PCDHA2: variants seen among roughly 807,000 people sequenced by gnomAD.
The protein encoded by PCDHA2 is protocadherin alpha-2.
Under a neutral mutation model 66.0 loss-of-function variants are expected in PCDHA2, and 58 were observed. That is an observed-to-expected ratio of 0.88 (90% CI 0.71 to 1.09). The LOEUF (loss-of-function observed/expected upper bound fraction) is 1.09, where lower values mean the gene tolerates loss of function less well. PCDHA2 is among the 50% of genes least tolerant of loss of function. The probability of loss-of-function intolerance (pLI) is 0.00; values close to 1 mark genes in which losing one functional copy is unlikely to be tolerated. For synonymous variants in PCDHA2, 634 were observed against 554.0 expected, an observed-to-expected ratio of 1.14 and a Z score of -2.03; for missense variants, 1,267 against 1,242.3, an observed-to-expected ratio of 1.02 and a Z score of -0.30.
At position 141,010,536 on chromosome 5, in the gene PCDHA2, T is replaced by A; in HGVS notation, c.*599T>A. On this transcript the variant is annotated 3_prime_UTR_variant, in exon 4 of 4. Transcript: ENST00000526136. ...AACTCAAGAGGTGGCAGCCACCCTC[T>A]AGGAGACAAAACTACCCCCACTGAC... 1 of 381,624 alleles carries A rather than the reference T, an allele frequency of 2.6e-6. No homozygotes were observed. The highest frequency in any genetic ancestry group is 4.6e-6 in the Non-Finnish European group (1 of 218,036). 23.6% of individuals were successfully genotyped at this position (381,624 alleles called of 1,614,324 possible).
At chr5:140,862,360 G>A (rs920511235) in intron 1 of PCDHA2, 3 of 334,748 alleles carry the variant, frequency 9.0e-6, no homozygotes, top group Non-Finnish European at 1.8e-5. Context: ...AGGGACAGAC[G>A]ACCCGCACCC....
Position 140,796,584 on chromosome 5 carries a change from G to C in PCDHA2, c.1620G>C (p.Ala540=), listed in dbSNP as rs1411052787. 3.1e-6 allele frequency: 5 copies of C among 1,613,360 alleles called. No homozygotes were observed. The Middle Eastern group carries it at 5.1e-4, about 166-fold the overall frequency. Reference sequence around the variant, plus strand: ...AGTTCCAGGTGAGCGCGCGGGATGCGGGCGTGCCGCCTCTGGGCAGCAACG... The same window carrying C: ...AGTTCCAGGTGAGCGCGCGGGATGCCGGCGTGCCGCCTCTGGGCAGCAACG... ...LLQFQVSARD[A]GVPPLGSNVT... is the part of the protein sequence containing the mutation. The change falls in exon 1 of 4, where the codon GCG becomes GCC. Residue 540 remains alanine, a synonymous_variant. Coordinates refer to ENST00000526136, the MANE Select transcript of PCDHA2 (RefSeq NM_018905.3).
At chr5:140,926,974 G>C (rs145276602) in intron 1 of PCDHA2, 2 of 1,610,140 alleles carry the variant, frequency 1.2e-6, no homozygotes, top group East Asian at 2.2e-5. Context: ...CTCAGTGCCG[G>C]AGGAGACGGA....
chr5:140,807,594 C>T (rs141030691), intron 1 of PCDHA2: 2 of 1,614,174 alleles, frequency 1.2e-6, no homozygotes, highest in Non-Finnish European at 8.5e-7. Flanking sequence ...TTCCCAGCAA[C>T]ACAAAAGAAC....
intron 1 of PCDHA2, chr5:140,835,486 T>C: frequency 6.2e-7 from 1 of 1,613,894 alleles, no homozygotes. Flanking sequence ...CCAGGTACCG[T>C]CATCACATTG....
Position 140,914,027 on chromosome 5 carries a change from T to G in PCDHA2, c.2389-64922T>G, listed in dbSNP as rs188298966. Among the ~76,000 whole-genome samples the G allele has an allele frequency of 8.0e-3, 1,214 of 152,300 alleles. 6 individuals carry two copies. Among genetic ancestry groups the G allele is most frequent in the African/African-American group, 0.019 (784 of 41,574 alleles). On this transcript the variant is annotated intron_variant, in intron 1 of 3. Coordinates refer to ENST00000526136, the MANE Select transcript of PCDHA2 (RefSeq NM_018905.3). ...CTATCTTTGAGAATGATCCACGTGCTGAGAAGAATGTGTATTCTGCAGCTG... is the reference window on the plus strand; with the variant it reads ...CTATCTTTGAGAATGATCCACGTGCGGAGAAGAATGTGTATTCTGCAGCTG...
intron 1 of PCDHA2, chr5:140,834,869 C>G: frequency 6.2e-7 from 1 of 1,609,230 alleles, no homozygotes. Context: ...ATGCAGATAT[C>G]GGGGAGAACG....
chr5:141,001,867 A>C (rs2153971805), intron 3 of PCDHA2, among the ~76,000 whole-genome samples: 1 of 152,348 alleles, frequency 6.6e-6, no homozygotes, highest in Admixed American at 6.5e-5. Context: ...ATTGATGCCC[A>C]AAACCAAGAA....
At chr5:140,853,405 G>A (rs2042737613) in intron 1 of PCDHA2, 1 of 986,340 alleles carries the variant, frequency 1.0e-6, no homozygotes, top group Non-Finnish European at 1.2e-6. Flanking sequence ...GTTCAAAACA[G>A]AGAGGTGAAA....
At chr5:140,830,650 A>G (rs1771186234) in intron 1 of PCDHA2, 2 of 455,226 alleles carry the variant, frequency 4.4e-6, no homozygotes, top group East Asian at 4.5e-5. Flanking sequence ...CTTCTTTAAT[A>G]TTCATAATTT....
At chr5:140,956,142 T>C (rs1416783643) in intron 1 of PCDHA2, among the ~76,000 whole-genome samples, 1 of 152,194 alleles carries the variant, frequency 6.6e-6, no homozygotes, top group East Asian at 1.9e-4. Flanking sequence ...CCTTTATTTC[T>C]TTCTCTTTCC....
At chr5:140,871,380 T>G in intron 1 of PCDHA2, 1 of 1,614,184 alleles carries the variant, frequency 6.2e-7, no homozygotes, top group East Asian at 2.2e-5. Context: ...GGGTGTGCTC[T>G]GAGGAGGGCC....
At chr5:140,836,499 G>C in intron 1 of PCDHA2, 1 of 1,613,878 alleles carries the variant, frequency 6.2e-7, no homozygotes, top group Non-Finnish European at 8.5e-7. Context: ...CGCCATCTGC[G>C]CGGTGTCCAG....
intron 1 of PCDHA2, chr5:140,857,580 C>T: frequency 6.3e-7 from 1 of 1,596,630 alleles, no homozygotes; most frequent in African/African-American, 1.3e-5. Flanking sequence ...TCGGTGCACG[C>T]GGAGAGCGGC....
In PCDHA2 at chr5:140,857,453, C is replaced by T. The variant is rs545328956; in HGVS notation, c.2388+60101C>T. 59 of 1,598,490 alleles carry T rather than the reference C, an allele frequency of 3.7e-5. 5 individuals carry two copies. The highest frequency in any genetic ancestry group is 5.1e-5 in the Non-Finnish European group (59 of 1,167,918). On this transcript the variant is annotated intron_variant, in intron 1 of 3. Coordinates refer to ENST00000526136, the MANE Select transcript of PCDHA2 (RefSeq NM_018905.3). ...GGTGTTCGTGAAGGAGAACAACCCG[C>T]CAGGCTGCCACATCTTCACGGTGTC...
chr5:140,801,828 C>T (rs1199164485), intron 1 of PCDHA2: 1 of 1,614,058 alleles, frequency 6.2e-7, no homozygotes, highest in Non-Finnish European at 8.5e-7. Context: ...GCATTATTTA[C>T]TAATAACAGC....
chr5:140,999,295 T>G (rs1554256739), intron 3 of PCDHA2, among the ~76,000 whole-genome samples: 1 of 152,238 alleles, frequency 6.6e-6, no homozygotes, highest in Non-Finnish European at 1.5e-5. Context: ...ATTCTTTATT[T>G]CAGAATTTCT....
intron 1 of PCDHA2, among the ~76,000 whole-genome samples, chr5:140,945,698 T>C (rs530742031): frequency 3.9e-5 from 6 of 152,046 alleles, no homozygotes; most frequent in Non-Finnish European, 8.8e-5. Flanking sequence ...GTCCACTGAT[T>C]TGCAACAAAA....
At position 140,850,379 on chromosome 5, in the gene PCDHA2, G is replaced by T. The variant is rs2150481547; in HGVS notation, c.2388+53027G>T. On this transcript the variant is annotated intron_variant, in intron 1 of 3. Coordinates refer to ENST00000526136, the MANE Select transcript of PCDHA2 (RefSeq NM_018905.3). ...TCCCGTTCCGCGTGGGGCTGTACAC[G>T]GGCGAGATCAGCACAACGCGTGCCC... is the stretch of plus-strand genomic sequence containing the variant. 2.0e-5 allele frequency: 32 copies of T among 1,597,786 alleles called. 2 individuals carry two copies. Among genetic ancestry groups the T allele is most frequent in the Admixed American group, 3.4e-5 (2 of 59,250 alleles).
Sources: allele counts gnomAD v4.1 joint callset (sites outside exome capture counted in the v4.1 genomes callset), GRCh38; gene constraint gnomAD v4.1.1; transcripts MANE v1.5; gene names NCBI Gene and HGNC (gene_info 2026-07-23, HGNC 2026-07-21).